Variants in NCOA4 observed in about 807,000 individuals in gnomAD.
The protein encoded by NCOA4 is nuclear receptor coactivator 4.
A neutral mutation model predicts 69.5 loss-of-function variants in NCOA4; 31 were observed. That is an observed-to-expected ratio of 0.45 (90% CI 0.34 to 0.60). The LOEUF (loss-of-function observed/expected upper bound fraction) is 0.60, where lower values mean the gene tolerates loss of function less well. Ranked by LOEUF, NCOA4 falls within the 20% of genes least tolerant of loss-of-function variation. The pLI is 0.02. For missense variants in NCOA4, 600 were observed against 719.2 expected (o/e 0.83, Z 1.90); for synonymous variants, 228 against 252.4 (o/e 0.90, Z 0.92).
In NCOA4 at chr10:46,012,962, C is replaced by T. The variant is rs1839324626; in HGVS notation, c.635G>A (p.Ser212Asn). 6.2e-7 allele frequency: 1 copy of T among 1,614,184 alleles called. No individual in the cohort carries two copies. The highest frequency in any genetic ancestry group is 1.1e-5 in the South Asian group (1 of 91,082). Residue 212 changes from serine (S) to asparagine (N), a missense_variant, in exon 7 of 10, where the codon AGT (serine) becomes AAT (asparagine). Transcript: ENST00000581486. ...GGGTATGTAAGGAGCTTGATAACCACTGGCAGGTTTGCTTCCAAGGAGCCA... is the reference window on the plus strand; with the variant it reads ...GGGTATGTAAGGAGCTTGATAACCATTGGCAGGTTTGCTTCCAAGGAGCCA... ...SEWLLGSKPASGYQAPYIPST... is the reference protein window; with the variant it reads ...SEWLLGSKPANGYQAPYIPST...
chr10:46,028,079 C>A (rs1457172112), intron 1 of NCOA4, among the ~76,000 whole-genome samples: 1 of 152,192 alleles, frequency 6.6e-6, no homozygotes. Flanking sequence ...TTACTCTTCT[C>A]CTCCTGCTGC....
At chr10:46,025,608 T>C (rs1840115956) in intron 1 of NCOA4, among the ~76,000 whole-genome samples, 2 of 152,242 alleles carry the variant, frequency 1.3e-5, no homozygotes, top group African/African-American at 2.4e-5. Context: ...AGCTTGGCTA[T>C]GCCAGTTCTG....
chr10:46,010,947 C>T lies in NCOA4; in HGVS notation c.974G>A (p.Ser325Asn). ...RKPENGSRETSEKFKLLFQSY... is the reference protein window; with the variant it reads ...RKPENGSRETNEKFKLLFQSY... Reference sequence around the variant, plus strand: ...CTGGAATAAGAGCTTAAACTTCTCACTGGTTTCACGACTGCCATTCTCAGG... The same window carrying T: ...CTGGAATAAGAGCTTAAACTTCTCATTGGTTTCACGACTGCCATTCTCAGG... Residue 325 changes from serine (S) to asparagine (N), a missense_variant, in exon 8 of 10, where the codon AGT (serine) becomes AAT (asparagine). By Grantham distance (46) the Ser-to-Asn change is conservative (BLOSUM62 1). Transcript: ENST00000581486. The T allele has an allele frequency of 6.2e-7, 1 of 1,613,986 alleles. No individual in the cohort carries two copies. Among genetic ancestry groups the T allele is most frequent in the Non-Finnish European group, 8.5e-7 (1 of 1,179,858 alleles).
In NCOA4 at chr10:46,029,864, C is replaced by T. The variant is rs1180914170; in HGVS notation, c.-15+662G>A. Among the ~76,000 whole-genome samples, 6 of 152,128 alleles carry T rather than the reference C, an allele frequency of 3.9e-5. 1 individual carries two copies. The highest frequency in any genetic ancestry group is 1.4e-4 in the African/African-American group (6 of 41,398). ...TGCTATCCTCAACATCCTGAACATA[C>T]AGGCACCAAATAAATGATTGCTGGT... On this transcript the variant is annotated intron_variant, in intron 1 of 9. Coordinates refer to ENST00000581486, the MANE Select transcript of NCOA4 (RefSeq NM_001145263.2).
intron 1 of NCOA4, among the ~76,000 whole-genome samples, chr10:46,022,684 C>A (rs1554924726): frequency 6.6e-6 from 1 of 152,110 alleles, no homozygotes; most frequent in Non-Finnish European, 1.5e-5. Context: ...CCAGGATGGT[C>A]TCGATCTCCT....
At chr10:46,025,862 A>G (rs913387906) in intron 1 of NCOA4, among the ~76,000 whole-genome samples, 5 of 152,358 alleles carry the variant, frequency 3.3e-5, no homozygotes, top group East Asian at 1.9e-4. Context: ...AGAAGAAACC[A>G]TGTCTTATTT....
intron 1 of NCOA4, among the ~76,000 whole-genome samples, chr10:46,022,065 C>T (rs1839901696): frequency 6.6e-6 from 1 of 152,212 alleles, no homozygotes; most frequent in African/African-American, 2.4e-5. Flanking sequence ...GATTCAACGT[C>T]TGTATCACAG....
chr10:46,012,823 T>A (rs1554922010), intron 7 of NCOA4, 60 bp downstream of exon 7: 1 of 1,585,824 alleles, frequency 6.3e-7, no homozygotes, highest in Non-Finnish European at 8.6e-7. Flanking sequence ...TACTACTGAT[T>A]AGTAACTAAC....
At position 46,014,904 on chromosome 10, in the gene NCOA4, C is replaced by T. The variant is rs1564923459; in HGVS notation, c.321G>A (p.Glu107=). 1 of 1,614,182 alleles carries T rather than the reference C, an allele frequency of 6.2e-7. No individual in the cohort carries two copies. Among genetic ancestry groups the T allele is most frequent in the Non-Finnish European group, 8.5e-7 (1 of 1,180,018 alleles). ...TGGCTAGATCTTTGTTTTGGGTACA[C>T]TCCAGTTGATGAGTAAGACAATTGA... ...GQFNCLTHQL[E]CTQNKDLANQ... is the part of the protein sequence containing the mutation. Residue 107 remains glutamate (E), a synonymous_variant, in exon 4 of 10, where the codon GAG becomes GAA. Transcript: ENST00000581486.
At chr10:46,027,677 G>A in intron 1 of NCOA4, 1 of 591,358 alleles carries the variant, frequency 1.7e-6, no homozygotes, top group East Asian at 2.9e-5. Context: ...CTGGTTGGGT[G>A]GTCTGTTATC....
At position 46,011,128 on chromosome 10, in the gene NCOA4, C is replaced by T. The variant is rs782354329; in HGVS notation, c.793G>A (p.Glu265Lys). The change falls in exon 8 of 10, where the codon GAA becomes AAA. Residue 265 changes from glutamate (E) to lysine (K), a missense_variant. Physicochemically the swap from Glu to Lys is moderately conservative, Grantham distance 56. Coordinates refer to ENST00000581486, the MANE Select transcript of NCOA4 (RefSeq NM_001145263.2). ...TTACACTTTTGATAACTTGATTTTTCACTCTTGAGGAGCCAGTTTTCTAAG... is the reference window on the plus strand; with the variant it reads ...TTACACTTTTGATAACTTGATTTTTTACTCTTGAGGAGCCAGTTTTCTAAG... ...KGLENWLLKS[E>K]KSSYQKCNSH... The T allele has an allele frequency of 6.2e-7, 1 of 1,613,742 alleles. No individual in the cohort carries two copies. The highest frequency in any genetic ancestry group is 8.5e-7 in the Non-Finnish European group (1 of 1,179,780).
intron 1 of NCOA4, among the ~76,000 whole-genome samples, chr10:46,021,697 C>T (rs1265799784): frequency 2.6e-5 from 4 of 152,170 alleles, no homozygotes; most frequent in East Asian, 1.9e-4. Context: ...CGGTGACTCA[C>T]GCCTGTAATC....
chr10:46,016,847 T>C (rs1156946363), intron 1 of NCOA4, among the ~76,000 whole-genome samples, 153 bp from the exon 2 acceptor site: 1 of 152,236 alleles, frequency 6.6e-6, no homozygotes, highest in Non-Finnish European at 1.5e-5. Flanking sequence ...ATACTCTTAA[T>C]AAATATTGTC....
At chr10:46,028,467 C>T (rs1045468191) in intron 1 of NCOA4, among the ~76,000 whole-genome samples, 2 of 151,574 alleles carry the variant, frequency 1.3e-5, no homozygotes, top group Non-Finnish European at 2.9e-5. Context: ...CTACTATGTG[C>T]CGAGCCTTTT....
At chr10:46,009,013 A>C in intron 9 of NCOA4, 2 of 642,068 alleles carry the variant, frequency 3.1e-6, no homozygotes, top group East Asian at 5.5e-5. Context: ...TTGCAGACTT[A>C]ACTATAGTGT....
At chr10:46,022,348 C>T (rs72795888) in intron 1 of NCOA4, 24,712 of 438,884 alleles carry the variant, frequency 0.056, 814 homozygotes, top group Non-Finnish European at 0.072. Context: ...CTGCATTAGA[C>T]CGTCTGTAAA....
intron 1 of NCOA4, among the ~76,000 whole-genome samples, chr10:46,018,089 T>C (rs1839674936): frequency 6.6e-6 from 1 of 152,192 alleles, no homozygotes; most frequent in African/African-American, 2.4e-5. Flanking sequence ...TTAAACTGAA[T>C]AATAAGATTA....
At chr10:46,008,991 G>C (rs1839022721) in intron 9 of NCOA4, 1 of 592,644 alleles carries the variant, frequency 1.7e-6, no homozygotes, top group African/African-American at 1.9e-5. Flanking sequence ...TTCTTCTTAA[G>C]ACATAATGTT....
At chr10:46,028,592 C>T (rs1290615660) in intron 1 of NCOA4, among the ~76,000 whole-genome samples, 1 of 148,838 alleles carries the variant, frequency 6.7e-6, no homozygotes, top group Non-Finnish European at 1.5e-5. Context: ...CCTACAGTCA[C>T]AAACTCCCAA....
Sources: gnomAD v4.1 joint callset for allele counts (sites outside exome capture counted in the v4.1 genomes callset) on GRCh38, gnomAD v4.1.1 for gene constraint, MANE v1.5 for transcripts, NCBI Gene and HGNC (gene_info 2026-07-23, HGNC 2026-07-21) for gene names.